The following SPDEF variants were observed in gnomAD, a reference collection of about 807,000 sequenced individuals.
SPDEF encodes SAM pointed domain-containing Ets transcription factor.
A neutral mutation model predicts 36.0 loss-of-function variants in SPDEF; 12 were observed. The ratio of observed to expected loss-of-function variants is 0.33; its 90% CI spans 0.21 to 0.54. The LOEUF (loss-of-function observed/expected upper bound fraction) is 0.54. Among genes scored for constraint, SPDEF ranks in the 20% least tolerant of loss-of-function variants. The pLI is 0.93. For missense variants in SPDEF, 388 were observed against 456.9 expected, an observed-to-expected ratio of 0.85 and a Z score of 1.37; for synonymous variants, 205 against 193.0, an observed-to-expected ratio of 1.06 and a Z score of -0.51.
Position 34,539,535 on chromosome 6 carries a change from G to T in SPDEF, c.662C>A (p.Pro221His). The T allele has an allele frequency of 6.4e-7, 1 of 1,574,038 alleles. No homozygotes were observed. Among genetic ancestry groups the T allele is most frequent in the Non-Finnish European group, 8.6e-7 (1 of 1,160,424 alleles). The change falls in exon 4 of 6, where the codon CCT becomes CAT. Residue 221 changes from proline to histidine, a missense_variant. By Grantham distance (77) the Pro-to-His change is moderately conservative (BLOSUM62 -2). Coordinates refer to ENST00000374037, the MANE Select transcript of SPDEF (RefSeq NM_012391.3). This position sits in a 1 kb window ranked among gnomAD's most constrained non-coding sequence, Gnocchi z 5.2. ...SAAWMKERTS[P>H]GAIHYCASTS... ...CTCACCACAGTAGTGAATCGCCCCA[G>T]GTGAAGTCCGCTCTTTCATCCAGGC... is the stretch of plus-strand genomic sequence containing the variant.
At chr6:34,554,208 C>T (rs1561982725) in intron 1 of SPDEF, among the ~76,000 whole-genome samples, 1 of 152,178 alleles carries the variant, frequency 6.6e-6, no homozygotes, top group African/African-American at 2.4e-5. Context: ...ACTCAGGCTG[C>T]AACAAGTCAT....
intron 1 of SPDEF, among the ~76,000 whole-genome samples, chr6:34,547,304 C>T (rs935521103): frequency 3.3e-5 from 5 of 152,026 alleles, no homozygotes; most frequent in Non-Finnish European, 7.4e-5. Flanking sequence ...AATGACACAT[C>T]CTTGACACAT....
rs1156714167 is a variant in SPDEF, at chr6:34,544,482, T to C, written c.-27A>G. On this transcript the variant is annotated splice_region_variant and 5_prime_UTR_variant, in exon 2 of 6. Coordinates refer to ENST00000374037, the MANE Select transcript of SPDEF (RefSeq NM_012391.3). This position sits in a 1 kb window ranked among gnomAD's most constrained non-coding sequence, Gnocchi z 4.4. ...CCGCTGCTGTTTGGGCTGGCGGCTG[T>C]GTCTACGGAAATGAAAGAGGACTCA... The C allele has an allele frequency of 1.3e-6, 2 of 1,509,086 alleles. No homozygotes were observed. The highest frequency in any genetic ancestry group is 1.8e-6 in the Non-Finnish European group (2 of 1,131,540). 93.5% of individuals were successfully genotyped at this position (1,509,086 alleles called of 1,614,324 possible).
rs1229155113 is a variant in SPDEF at position 34,538,856 on chromosome 6, A to G, written c.829+394T>C. Among the ~76,000 whole-genome samples, 1 of 152,320 alleles carries G rather than the reference A, an allele frequency of 6.6e-6. No homozygotes were observed. Among genetic ancestry groups the G allele is most frequent in the South Asian group, 2.1e-4 (1 of 4,832 alleles). On this transcript the variant is annotated intron_variant, in intron 5 of 5. Transcript: ENST00000374037. The surrounding 1 kb of genome is among the most constrained non-coding windows in gnomAD (Gnocchi z 5.9). ...AGCAGTGCCCACGGCTCACTTGGCA[A>G]GAGCATCCCTTCCCCATTACAGGTG...
Position 34,539,586 on chromosome 6 carries a change from G to T in SPDEF, c.635-24C>A. On this transcript the variant is annotated intron_variant, in intron 3 of 5. Transcript: ENST00000374037. This position sits in a 1 kb window ranked among gnomAD's most constrained non-coding sequence, Gnocchi z 5.2. ...CGCTGCAGGGCAAGGAGAGGGGGTTGGGGACCCAGGAGAGGCCCCGAGGGT... is the reference window on the plus strand; with the variant it reads ...CGCTGCAGGGCAAGGAGAGGGGGTTTGGGACCCAGGAGAGGCCCCGAGGGT... 1 of 1,558,954 alleles carries T rather than the reference G, an allele frequency of 6.4e-7. No individual in the cohort carries two copies. Among genetic ancestry groups the T allele is most frequent in the Non-Finnish European group, 8.7e-7 (1 of 1,152,278 alleles).
At position 34,544,414 on chromosome 6, in the gene SPDEF, G is replaced by A. The variant is rs1281341534; in HGVS notation, c.42C>T (p.Ser14=). Residue 14 remains serine (S), a synonymous_variant, in exon 2 of 6, where the codon AGC becomes AGT. Transcript: ENST00000374037. The surrounding 1 kb of genome is among the most constrained non-coding windows in gnomAD (Gnocchi z 4.4). ...CCGTGTCGGGGGGCAGCAGGAGGTGGCTGGGGGATACGCTGCTCAGACCCG... is the reference window on the plus strand; with the variant it reads ...CCGTGTCGGGGGGCAGCAGGAGGTGACTGGGGGATACGCTGCTCAGACCCG... ...ASPGLSSVSP[S]HLLLPPDTVS... 2.5e-6 allele frequency: 4 copies of A among 1,586,354 alleles called. No homozygotes were observed. The highest frequency in any genetic ancestry group is 3.4e-6 in the Non-Finnish European group (4 of 1,164,398).
At chr6:34,550,264 C>A (rs1370320602) in intron 1 of SPDEF, among the ~76,000 whole-genome samples, 1 of 152,166 alleles carries the variant, frequency 6.6e-6, no homozygotes, top group Non-Finnish European at 1.5e-5. Flanking sequence ...GCTGCAACCT[C>A]ACCCTTCAAA....
At chr6:34,545,933 C>A (rs1187626718) in intron 1 of SPDEF, among the ~76,000 whole-genome samples, 1 of 151,620 alleles carries the variant, frequency 6.6e-6, no homozygotes, top group African/African-American at 2.4e-5. Context: ...ACAAAACACA[C>A]GCACACACAC....
intron 3 of SPDEF, among the ~76,000 whole-genome samples, chr6:34,540,410 CAA>C (rs534729419): frequency 6.8e-4 from 90 of 132,482 alleles, no homozygotes; most frequent in Non-Finnish European, 6.6e-4. Context: ...CTACTTATGT[CAA>C]AAAAAAAAAA....
In SPDEF at chr6:34,552,995, G is replaced by A. The variant is rs1768094530; in HGVS notation, c.-30+2934C>T. Among the ~76,000 whole-genome samples the A allele has an allele frequency of 1.3e-5, 2 of 152,144 alleles. No individual in the cohort carries two copies. Among genetic ancestry groups the A allele is most frequent in the Admixed American group, 1.3e-4 (2 of 15,282 alleles). ...GCCCCGCAACCAGTCTCAGGCGCTG[G>A]AGCCCCGGGCTGGGCAGTCCCTCCA... On this transcript the variant is annotated intron_variant, in intron 1 of 5. Transcript: ENST00000374037. This position sits in a 1 kb window ranked among gnomAD's most constrained non-coding sequence, Gnocchi z 4.6.
intron 1 of SPDEF, among the ~76,000 whole-genome samples, chr6:34,554,274 C>A (rs1305746790): frequency 1.3e-5 from 2 of 152,208 alleles, no homozygotes; most frequent in African/African-American, 4.8e-5. Context: ...CTCACAACGA[C>A]CTCAGTGGTA....
chr6:34,556,200 T>A lies in SPDEF; in HGVS notation c.-301A>T, dbSNP rs1014488192. The stretch of plus-strand genomic sequence containing the variant: ...AGCCCAGGGCTGCCTGCTGGCACCG[T>A]GGCAAGGCCCAACCTGAGGGGCTTG... On this transcript the variant is annotated 5_prime_UTR_variant, in exon 1 of 6. Transcript: ENST00000374037. 1 of 152,182 alleles carries A rather than the reference T, an allele frequency of 6.6e-6. No individual in the cohort carries two copies. Among genetic ancestry groups the A allele is most frequent in the Admixed American group, 6.5e-5 (1 of 15,280 alleles). The allele number at this position is 152,182 out of a possible 1,614,324, so 9.4% of individuals were successfully genotyped here. A position where few individuals can be genotyped will look rare whatever the true frequency, so the allele number is the denominator to read the frequency against.
rs1349095443 is a variant in SPDEF, at chr6:34,552,575, G to A, written c.-30+3354C>T. On this transcript the variant is annotated intron_variant, in intron 1 of 5. Transcript: ENST00000374037. This position sits in a 1 kb window ranked among gnomAD's most constrained non-coding sequence, Gnocchi z 4.6. ...CCAGACCCAGCACAGGCCAGGGAAGGCAGAGGCCCTCCACACACCTGGTTG... is the reference window on the plus strand; with the variant it reads ...CCAGACCCAGCACAGGCCAGGGAAGACAGAGGCCCTCCACACACCTGGTTG... Among the ~76,000 whole-genome samples the A allele has an allele frequency of 6.6e-6, 1 of 152,204 alleles. No homozygotes were observed. Among genetic ancestry groups the A allele is most frequent in the Admixed American group, 6.5e-5 (1 of 15,288 alleles).
At chr6:34,546,206 G>C (rs187152317) in intron 1 of SPDEF, among the ~76,000 whole-genome samples, 7 of 152,292 alleles carry the variant, frequency 4.6e-5, no homozygotes, top group Non-Finnish European at 8.8e-5. Flanking sequence ...CAGCAGCTCT[G>C]GGGGAGACTC....
chr6:34,547,357 G>A (rs140265861), intron 1 of SPDEF, among the ~76,000 whole-genome samples: 153 of 152,222 alleles, frequency 1.0e-3, no homozygotes, highest in African/African-American at 3.2e-3. Flanking sequence ...CCCCTTGCCA[G>A]GAGAAAGGCA....
At position 34,539,627 on chromosome 6, in the gene SPDEF, T is replaced by C; in HGVS notation, c.635-65A>G. 6 of 1,529,216 alleles carry C rather than the reference T, an allele frequency of 3.9e-6. No homozygotes were observed. Among genetic ancestry groups the C allele is most frequent in the Non-Finnish European group, 5.3e-6 (6 of 1,129,676 alleles). 94.7% of individuals were successfully genotyped at this position (1,529,216 alleles called of 1,614,324 possible). On this transcript the variant is annotated intron_variant, in intron 3 of 5. Coordinates refer to ENST00000374037, the MANE Select transcript of SPDEF (RefSeq NM_012391.3). The surrounding 1 kb of genome is among the most constrained non-coding windows in gnomAD (Gnocchi z 5.2). ...CCCCGAGGGTGGAGGAGGGGAGGCGTTTGGGTGGGACTGTGGGGCCACAGG... is the reference window on the plus strand; with the variant it reads ...CCCCGAGGGTGGAGGAGGGGAGGCGCTTGGGTGGGACTGTGGGGCCACAGG...
At chr6:34,546,483 C>G (rs375189159) in intron 1 of SPDEF, among the ~76,000 whole-genome samples, 14 of 152,234 alleles carry the variant, frequency 9.2e-5, no homozygotes, top group East Asian at 7.7e-4. Flanking sequence ...AGGGAAAGAA[C>G]CCAGTCTGGA....
At position 34,544,085 on chromosome 6, in the gene SPDEF, G is replaced by C. The variant is rs761830078; in HGVS notation, c.371C>G (p.Ser124Cys). The C allele has an allele frequency of 5.0e-6, 8 of 1,613,592 alleles. No individual in the cohort carries two copies. The East Asian group carries it at 1.6e-4, about 31-fold the overall frequency. The part of the protein sequence containing the change: ...LEEHSLEQVQ[S>C]MVVGEVLKDI... Reference sequence around the variant, plus strand: ...CTTGAGCACTTCGCCCACCACCATGGACTGCACCTGCTCCAGCGAGTGCTC... The same window carrying C: ...CTTGAGCACTTCGCCCACCACCATGCACTGCACCTGCTCCAGCGAGTGCTC... The change falls in exon 2 of 6, where the codon TCC (serine) becomes TGC (cysteine). Residue 124 changes from serine to cysteine, a missense_variant. Transcript: ENST00000374037. The surrounding 1 kb of genome is among the most constrained non-coding windows in gnomAD (Gnocchi z 4.4).
intron 1 of SPDEF, among the ~76,000 whole-genome samples, chr6:34,551,049 C>T (rs1315981628): frequency 2.6e-5 from 4 of 152,206 alleles, no homozygotes; most frequent in Admixed American, 6.5e-5. Context: ...ATTATTCCCA[C>T]TTGACGGACA....
Sources: allele counts gnomAD v4.1 joint callset (sites outside exome capture counted in the v4.1 genomes callset), GRCh38; gene constraint gnomAD v4.1.1; non-coding constraint Gnocchi (gnomAD v3.1); transcripts MANE v1.5; gene names NCBI Gene and HGNC (gene_info 2026-07-23, HGNC 2026-07-21).